Variants in SPG11 observed in about 807,000 individuals in gnomAD.
The protein encoded by SPG11 is SPG11 vesicle trafficking associated, spatacsin, also known as spatacsin.
In SPG11, 222 loss-of-function variants were observed where a neutral mutation model predicts 274.0. The ratio of observed to expected loss-of-function variants is 0.81; its 90% CI spans 0.73 to 0.91. The LOEUF is 0.91. Among genes scored for constraint, SPG11 ranks in the 40% least tolerant of loss-of-function variants. SPG11 has a pLI of 0.00. For missense variants in SPG11, 3,114 were observed against 2,872.7 expected (o/e 1.08, Z -1.92); for synonymous variants, 1,144 against 1,039.7 (o/e 1.10, Z -1.93).
chr15:44,602,831 T>G (rs936957550), intron 20 of SPG11, among the ~76,000 whole-genome samples: 1 of 152,110 alleles, frequency 6.6e-6, no homozygotes, highest in African/African-American at 2.4e-5. Context: ...TATTAATTTG[T>G]GTATGTTGAA....
At chr15:44,614,636 T>C (rs1451984592) in intron 16 of SPG11, among the ~76,000 whole-genome samples, 1 of 152,248 alleles carries the variant, frequency 6.6e-6, no homozygotes, top group Non-Finnish European at 1.5e-5. Flanking sequence ...CTTCCACTTA[T>C]TAGCTGTGTG....
intron 7 of SPG11, 40 bp downstream of exon 7, chr15:44,648,826 A>C: frequency 6.2e-7 from 1 of 1,603,920 alleles, no homozygotes; most frequent in Non-Finnish European, 8.5e-7. Flanking sequence ...ATATAACACA[A>C]AATAATTAAG....
At chr15:44,574,012 T>C (rs868219311) in intron 31 of SPG11, among the ~76,000 whole-genome samples, 3 of 151,642 alleles carry the variant, frequency 2.0e-5, no homozygotes, top group Middle Eastern at 6.8e-3. Flanking sequence ...GGCGGCAGGG[T>C]TGGGAGGGGT....
chr15:44,663,422 C>G lies in SPG11; in HGVS notation c.226G>C (p.Gly76Arg), dbSNP rs944158756. 12 of 1,605,834 alleles carry G rather than the reference C, an allele frequency of 7.5e-6. No homozygotes were observed. The highest frequency in any genetic ancestry group is 1.0e-5 in the Non-Finnish European group (12 of 1,176,912). Residue 76 changes from glycine (G) to arginine (R), a missense_variant, in exon 1 of 40, where the codon GGT becomes CGT. Transcript: ENST00000261866. ...AAGGGGCCCTCCAGGCAGCAGCGACCCCCGCCCCGGCTGCCAGGCGTCAAA... is the reference window on the plus strand; with the variant it reads ...AAGGGGCCCTCCAGGCAGCAGCGACGCCCGCCCCGGCTGCCAGGCGTCAAA... ...LSLTPGSRGG[G>R]RCCLEGPFWH...
chr15:44,617,240 C>T (rs2083612330), intron 15 of SPG11, among the ~76,000 whole-genome samples: 1 of 152,244 alleles, frequency 6.6e-6, no homozygotes, highest in African/African-American at 2.4e-5. Context: ...CTCTTGGTCT[C>T]AGTGCCAGAT....
chr15:44,638,522 A>C (rs2084348492), intron 7 of SPG11, among the ~76,000 whole-genome samples: 1 of 142,980 alleles, frequency 7.0e-6, no homozygotes, highest in Non-Finnish European at 1.5e-5. Flanking sequence ...AACACACACA[A>C]CAAAAAAACA....
chr15:44,639,276 TACAC>T (rs71111873), intron 7 of SPG11, among the ~76,000 whole-genome samples: 4,723 of 138,324 alleles, frequency 0.034, 191 homozygotes, highest in East Asian at 0.16. Context: ...CACAAAGAGA[TACAC>T]ACACACACAC....
chr15:44,566,232 T>C lies in SPG11; in HGVS notation c.6828A>G (p.Ala2276=), dbSNP rs1472967835. ...LKALTLMLDA[A]ESYAKDSCVR... ...TTTGGGTTACCTTGGCATAACTCTCTGCTGCATCCAACATCAGAGTCAGGG... is the reference window on the plus strand; with the variant it reads ...TTTGGGTTACCTTGGCATAACTCTCCGCTGCATCCAACATCAGAGTCAGGG... Residue 2276 remains alanine, a synonymous_variant, in exon 37 of 40, where the codon GCA becomes GCG. Coordinates refer to ENST00000261866, the MANE Select transcript of SPG11 (RefSeq NM_025137.4). 1 of 1,614,128 alleles carries C rather than the reference T, an allele frequency of 6.2e-7. No individual in the cohort carries two copies. The highest frequency in any genetic ancestry group is 8.5e-7 in the Non-Finnish European group (1 of 1,180,044).
chr15:44,645,751 C>A (rs942262350), intron 7 of SPG11, among the ~76,000 whole-genome samples: 7 of 152,132 alleles, frequency 4.6e-5, no homozygotes, highest in Non-Finnish European at 1.5e-5. Flanking sequence ...CCGTAAGGAA[C>A]TTAAACAAAT....
rs554447548 is a variant in SPG11, at chr15:44,645,103, T to C, written c.1602+3763A>G. 1.1e-4 allele frequency among the ~76,000 whole-genome samples: 16 copies of C among 152,342 alleles called. No homozygotes were observed. The South Asian group carries it at 3.1e-3, about 30-fold the overall frequency. ...ATTCATATGGATCCAAAAAAGATCCTGAATAGCCAAAGCGATCCTATGCAA... is the reference window on the plus strand; with the variant it reads ...ATTCATATGGATCCAAAAAAGATCCCGAATAGCCAAAGCGATCCTATGCAA... On this transcript the variant is annotated intron_variant, in intron 7 of 39. Transcript: ENST00000261866.
chr15:44,644,872 T>C (rs2084561046), intron 7 of SPG11, among the ~76,000 whole-genome samples: 1 of 152,014 alleles, frequency 6.6e-6, no homozygotes, highest in Non-Finnish European at 1.5e-5. Flanking sequence ...GTTAGAGAGA[T>C]GAAAGATCTC....
chr15:44,587,324 G>A (rs2082788008), intron 28 of SPG11, among the ~76,000 whole-genome samples: 1 of 152,184 alleles, frequency 6.6e-6, no homozygotes, highest in Non-Finnish European at 1.5e-5. Context: ...CACCTGCTGG[G>A]CAGCAGTCTG....
Position 44,606,019 on chromosome 15 carries a change from A to G in SPG11, c.3520+6T>C. ...CATGTCTCAAGAAGTACCCATGATG[A>G]CTTACCTCCTATAGCTAGTGTGTTA... On this transcript the variant is annotated splice_donor_region_variant and intron_variant, in intron 20 of 39. Transcript: ENST00000261866. The G allele has an allele frequency of 6.2e-7, 1 of 1,612,786 alleles. No homozygotes were observed. The highest frequency in any genetic ancestry group is 2.2e-5 in the East Asian group (1 of 44,802).
intron 7 of SPG11, among the ~76,000 whole-genome samples, chr15:44,640,527 T>C (rs1363274244): frequency 1.3e-5 from 2 of 151,924 alleles, no homozygotes; most frequent in Admixed American, 6.6e-5. Flanking sequence ...AAAGTAAAGA[T>C]TAAGGAACAG....
intron 35 of SPG11, 49 bp from the exon 36 acceptor site, chr15:44,567,641 G>C (rs1375950169): frequency 1.2e-6 from 2 of 1,603,578 alleles, no homozygotes; most frequent in Non-Finnish European, 1.7e-6. Context: ...GGGACTGCAA[G>C]GCAGACAGGA....
chr15:44,594,030 A>G (rs2082969448), intron 26 of SPG11, among the ~76,000 whole-genome samples: 1 of 148,242 alleles, frequency 6.7e-6, no homozygotes, highest in South Asian at 2.1e-4. Context: ...TCAGCCTCCC[A>G]AAGTGCTGGG....
At chr15:44,566,371 A>G (rs1011737421) in intron 36 of SPG11, 66 bp from the exon 37 acceptor site, 7 of 1,475,688 alleles carry the variant, frequency 4.7e-6, no homozygotes, top group Non-Finnish European at 6.6e-6. Context: ...CATCCCACTC[A>G]TTGTGATCGT....
chr15:44,650,130 C>T (rs747686986), intron 6 of SPG11, among the ~76,000 whole-genome samples: 1 of 152,070 alleles, frequency 6.6e-6, no homozygotes, highest in Non-Finnish European at 1.5e-5. Context: ...ATGAATTATG[C>T]GGTGAATGAA....
intron 21 of SPG11, 83 bp downstream of exon 21, chr15:44,600,384 A>G: frequency 6.7e-7 from 1 of 1,490,854 alleles, no homozygotes; most frequent in Non-Finnish European, 9.3e-7. Flanking sequence ...TCCTGGGCTC[A>G]AGTGATCCTC....
Sources: gnomAD v4.1 joint callset for allele counts (sites outside exome capture counted in the v4.1 genomes callset) on GRCh38, gnomAD v4.1.1 for gene constraint, MANE v1.5 for transcripts, NCBI Gene and HGNC (gene_info 2026-07-23, HGNC 2026-07-21) for gene names.